Variants in GRM7 observed in about 807,000 individuals in gnomAD.
GRM7 encodes metabotropic glutamate receptor 7.
Under a neutral mutation model 84.5 loss-of-function variants are expected in GRM7, and 35 were observed. That is an observed-to-expected ratio of 0.41 (90% CI 0.32 to 0.55). The LOEUF (loss-of-function observed/expected upper bound fraction) is 0.55. Ranked by LOEUF, GRM7 falls within the 20% of genes least tolerant of loss-of-function variation. The pLI, the probability that GRM7 is intolerant of heterozygous loss-of-function variation, is 0.19. For missense variants in GRM7, 1,003 were observed against 1,194.6 expected, an observed-to-expected ratio of 0.84 and a Z score of 2.36; for synonymous variants, 487 against 455.1, an observed-to-expected ratio of 1.07 and a Z score of -0.89.
chr3:7,536,572 G>A (rs1432924565), intron 7 of GRM7, among the ~76,000 whole-genome samples: 7 of 152,202 alleles, frequency 4.6e-5, no homozygotes, highest in Admixed American at 2.6e-4. Flanking sequence ...TATGGCACAG[G>A]TGATAGGATG....
At chr3:7,631,720 G>T (rs796979131) in intron 8 of GRM7, among the ~76,000 whole-genome samples, 7 of 152,264 alleles carry the variant, frequency 4.6e-5, no homozygotes, top group African/African-American at 1.7e-4. Flanking sequence ...CCTACTAGAT[G>T]CTGGTAGCAA....
intron 4 of GRM7, among the ~76,000 whole-genome samples, chr3:7,374,463 G>A (rs1694261690): frequency 6.6e-6 from 1 of 151,562 alleles, no homozygotes; most frequent in African/African-American, 2.4e-5. Flanking sequence ...ACAGATGTGA[G>A]CTATTTATTA....
At chr3:7,216,488 T>G (rs1696615847) in intron 2 of GRM7, among the ~76,000 whole-genome samples, 1 of 152,190 alleles carries the variant, frequency 6.6e-6, no homozygotes, top group Admixed American at 6.5e-5. Flanking sequence ...AATATTTTAA[T>G]GGTGATTTGA....
chr3:6,988,028 G>C (rs916380007), intron 1 of GRM7, among the ~76,000 whole-genome samples: 4 of 132,808 alleles, frequency 3.0e-5, no homozygotes, highest in Admixed American at 1.7e-4. Context: ...ACGGAGTCTT[G>C]CTCTGTCACC....
intron 8 of GRM7, chr3:7,636,474 G>A: frequency 6.4e-6 from 2 of 310,326 alleles, no homozygotes; most frequent in South Asian, 2.9e-5. Context: ...ATGAGAACAT[G>A]GTAGAAAAAT....
At chr3:7,561,845 C>A (rs1469863069) in intron 7 of GRM7, among the ~76,000 whole-genome samples, 1 of 152,094 alleles carries the variant, frequency 6.6e-6, no homozygotes, top group Non-Finnish European at 1.5e-5. Context: ...GTAAAATAGA[C>A]ATCAGTATCA....
Position 7,667,730 on chromosome 3 carries a change from A to G in GRM7, c.2452-12319A>G, listed in dbSNP as rs530508630. 5.3e-5 allele frequency among the ~76,000 whole-genome samples: 8 copies of G among 152,210 alleles called. No individual in the cohort carries two copies. In the East Asian group the frequency reaches 1.5e-3, roughly 29 times the overall value. ...ATTAATTATTTTGTAGATCACTTTTATACTATCTAAAGAAGGGTAGGTTTT... is the reference window on the plus strand; with the variant it reads ...ATTAATTATTTTGTAGATCACTTTTGTACTATCTAAAGAAGGGTAGGTTTT... On this transcript the variant is annotated intron_variant, in intron 8 of 9. Coordinates refer to ENST00000357716, the MANE Select transcript of GRM7 (RefSeq NM_000844.4).
intron 4 of GRM7, among the ~76,000 whole-genome samples, chr3:7,408,199 A>C (rs1295296034): frequency 6.6e-6 from 1 of 152,188 alleles, no homozygotes; most frequent in Non-Finnish European, 1.5e-5. Context: ...GTTTATATCT[A>C]TATTTATTCC....
At chr3:7,638,244 A>G (rs1234441241) in intron 8 of GRM7, among the ~76,000 whole-genome samples, 3 of 152,186 alleles carry the variant, frequency 2.0e-5, no homozygotes, top group Non-Finnish European at 2.9e-5. Flanking sequence ...AATGCATCCA[A>G]TGATGAAAGT....
chr3:7,496,185 T>C (rs1220398014), intron 7 of GRM7, among the ~76,000 whole-genome samples: 1 of 152,100 alleles, frequency 6.6e-6, no homozygotes, highest in African/African-American at 2.4e-5. Flanking sequence ...TGCTAAAGTA[T>C]CTCTCCATAG....
chr3:7,667,283 AG>A (rs200653268), intron 8 of GRM7, among the ~76,000 whole-genome samples: 15,159 of 105,404 alleles, frequency 0.14, 1,451 homozygotes, highest in African/African-American at 0.32. Flanking sequence ...AAAAAAAAAG[AG>A]AGAGAGAGAG....
chr3:7,494,509 G>C (rs1699630432), intron 7 of GRM7, among the ~76,000 whole-genome samples: 1 of 152,064 alleles, frequency 6.6e-6, no homozygotes, highest in East Asian at 1.9e-4. Context: ...GTAAAATTTG[G>C]AAAGTGTCCA....
chr3:7,569,669 A>C (rs1357472305), intron 7 of GRM7, among the ~76,000 whole-genome samples: 1 of 151,820 alleles, frequency 6.6e-6, no homozygotes, highest in Non-Finnish European at 1.5e-5. Context: ...GAGCTGTAAC[A>C]CTCACCATGA....
At chr3:6,978,671 A>T (rs955461999) in intron 1 of GRM7, among the ~76,000 whole-genome samples, 5 of 152,148 alleles carry the variant, frequency 3.3e-5, no homozygotes, top group African/African-American at 1.2e-4. Flanking sequence ...GGGGGAGATG[A>T]TGACTTATCT....
At chr3:7,266,860 A>G (rs1382710153) in intron 2 of GRM7, among the ~76,000 whole-genome samples, 1 of 152,204 alleles carries the variant, frequency 6.6e-6, no homozygotes, top group Non-Finnish European at 1.5e-5. Flanking sequence ...GTATTCTCAA[A>G]TAAGTTTTAC....
At chr3:7,217,638 T>G (rs1375920868) in intron 2 of GRM7, among the ~76,000 whole-genome samples, 1 of 151,038 alleles carries the variant, frequency 6.6e-6, no homozygotes, top group Non-Finnish European at 1.5e-5. Flanking sequence ...TAAAAATGCA[T>G]TATAAAATCT....
At chr3:7,590,229 T>C (rs1695714306) in intron 8 of GRM7, among the ~76,000 whole-genome samples, 1 of 152,200 alleles carries the variant, frequency 6.6e-6, no homozygotes, top group Non-Finnish European at 1.5e-5. Context: ...TTCTCATTGT[T>C]ACTATTATTA....
intron 2 of GRM7, among the ~76,000 whole-genome samples, chr3:7,209,167 T>A (rs1194738150): frequency 6.6e-6 from 1 of 152,204 alleles, no homozygotes; most frequent in Non-Finnish European, 1.5e-5. Flanking sequence ...ATTTATTGAA[T>A]GCTGTACTGA....
chr3:7,474,994 T>G (rs1244855668), intron 7 of GRM7, among the ~76,000 whole-genome samples: 1 of 152,202 alleles, frequency 6.6e-6, no homozygotes, highest in African/African-American at 2.4e-5. Context: ...AACACAGCTT[T>G]CTGGCCAATA....
Sources: allele counts gnomAD v4.1 joint callset (sites outside exome capture counted in the v4.1 genomes callset), GRCh38; gene constraint gnomAD v4.1.1; transcripts MANE v1.5; gene names NCBI Gene and HGNC (gene_info 2026-07-23, HGNC 2026-07-21).